The following HIVEP1 variants were observed in gnomAD, a reference collection of about 807,000 sequenced individuals.
The protein encoded by HIVEP1 is HIVEP zinc finger 1, also known as zinc finger protein 40.
Under a neutral mutation model 180.0 loss-of-function variants are expected in HIVEP1, and 36 were observed. The observed-to-expected ratio is 0.20, with a 90% CI of 0.15 to 0.26. The LOEUF is 0.26. Ranked by LOEUF, HIVEP1 falls within the 10% of genes least tolerant of loss-of-function variation. HIVEP1 has a pLI of 1.00. For missense variants in HIVEP1, 3,143 were observed against 3,268.7 expected (o/e 0.96, Z 0.94); for synonymous variants, 1,239 against 1,239.0 (o/e 1.00, Z 0.00).
chr6:12,018,024 GTGCT>G (rs1024446670), intron 2 of HIVEP1, among the ~76,000 whole-genome samples: 3 of 152,230 alleles, frequency 2.0e-5, no homozygotes, highest in African/African-American at 7.2e-5. Context: ...GGCGTGGGGG[GTGCT>G]TAGGCATGGC....
intron 7 of HIVEP1, among the ~76,000 whole-genome samples, chr6:12,151,656 A>G (rs1313470505): frequency 6.6e-6 from 1 of 152,204 alleles, no homozygotes; most frequent in African/African-American, 2.4e-5. Context: ...GTGATGTGGC[A>G]TAGATGTTGG....
chr6:12,009,359 T>C (rs1039351912), upstream of HIVEP1, among the ~76,000 whole-genome samples: 1 of 152,106 alleles, frequency 6.6e-6, no homozygotes, highest in Non-Finnish European at 1.5e-5. Flanking sequence ...TGTTGAGCTT[T>C]TCAGTGACAC....
chr6:12,039,771 G>A (rs1769548307), intron 2 of HIVEP1, among the ~76,000 whole-genome samples: 1 of 152,204 alleles, frequency 6.6e-6, no homozygotes, highest in Non-Finnish European at 1.5e-5. Flanking sequence ...GTGGATATCT[G>A]TGTTTAAAAG....
In HIVEP1 at chr6:12,036,048, A is replaced by G. The variant is rs934656695; in HGVS notation, c.40+20380A>G. ...GGAGACAATTTTTATTTACCCACGC[A>G]TTTGCTATTTTAAAGAAATGGCACC... On this transcript the variant is annotated intron_variant, in intron 2 of 8. Transcript: ENST00000379388. 1.1e-4 allele frequency among the ~76,000 whole-genome samples: 16 copies of G among 152,208 alleles called. 1 individual carries two copies. The highest frequency in any genetic ancestry group is 3.6e-4 in the African/African-American group (15 of 41,450).
chr6:12,129,931 T>A, intron 5 of HIVEP1, 39 bp downstream of exon 5: 1 of 1,365,102 alleles, frequency 7.3e-7, no homozygotes, highest in Non-Finnish European at 1.0e-6. Flanking sequence ...ACATTTAAAC[T>A]GACTTTTTAA....
In HIVEP1 at chr6:12,015,655, C is replaced by A. The variant is rs751113838; in HGVS notation, c.27C>A (p.Pro9=). 6.2e-7 allele frequency: 1 copy of A among 1,613,406 alleles called. No individual in the cohort carries two copies. The highest frequency in any genetic ancestry group is 8.5e-7 in the Non-Finnish European group (1 of 1,179,598). MPRTKQIH[P]RNLRDKIEEA... ...TGCCTCGAACTAAACAAATTCATCC[C>A]AGAAATCTAAGAGGTAAAGCATTGC... Residue 9 remains proline (P), a synonymous_variant, in exon 2 of 9, where the codon CCC becomes CCA. Transcript: ENST00000379388.
At chr6:12,115,872 T>G (rs1775185933) in intron 3 of HIVEP1, among the ~76,000 whole-genome samples, 1 of 151,614 alleles carries the variant, frequency 6.6e-6, no homozygotes, top group Non-Finnish European at 1.5e-5. Context: ...TTGGTGGGGT[T>G]GGTGGGGAGT....
chr6:12,131,606 T>A (rs147030226), intron 6 of HIVEP1, among the ~76,000 whole-genome samples: 1,754 of 151,726 alleles, frequency 0.012, 33 homozygotes, highest in African/African-American at 0.04. Context: ...CCTGTACAAG[T>A]TTCTTGATAC....
upstream of HIVEP1, among the ~76,000 whole-genome samples, chr6:12,011,375 A>G (rs1053779909): frequency 6.8e-6 from 1 of 147,654 alleles, no homozygotes; most frequent in African/African-American, 2.5e-5. Context: ...TGTAGAAAGT[A>G]AAGAGACGGT....
the HIVEP1 span, among the ~76,000 whole-genome samples, chr6:12,177,575 T>G: frequency 9.8e-5 from 15 of 152,312 alleles, no homozygotes; most frequent in Middle Eastern, 6.8e-3. Flanking sequence ...TAGCCTGTAT[T>G]AAGTGTTCAA....
At chr6:12,151,022 G>T (rs372182289) in intron 7 of HIVEP1, among the ~76,000 whole-genome samples, 2 of 152,186 alleles carry the variant, frequency 1.3e-5, no homozygotes, top group East Asian at 1.9e-4. Context: ...CTTCCAGCAG[G>T]TGTCACTGTC....
intron 2 of HIVEP1, among the ~76,000 whole-genome samples, chr6:12,042,777 T>A (rs1452114419): frequency 6.6e-6 from 1 of 152,194 alleles, no homozygotes; most frequent in Non-Finnish European, 1.5e-5. Flanking sequence ...TTCATATATC[T>A]GAAGTTATTT....
Position 12,164,293 on chromosome 6 carries a change from T to G in HIVEP1, c.7989T>G (p.Pro2663=). The stretch of plus-strand genomic sequence containing the variant: ...GCCAACCAGCGTCCACGTCACAACC[T>G]CTGCTGAAGGCACATTCTGAAGTTT... ...IQGQPASTSQ[P]LLKAHSEVFT... is the part of the protein sequence containing the mutation. The change falls in exon 9 of 9, where the codon CCT becomes CCG. Residue 2663 remains proline (P), a synonymous_variant. Coordinates refer to ENST00000379388, the MANE Select transcript of HIVEP1 (RefSeq NM_002114.4). The G allele has an allele frequency of 6.2e-7, 1 of 1,613,972 alleles. No homozygotes were observed. Among genetic ancestry groups the G allele is most frequent in the Non-Finnish European group, 8.5e-7 (1 of 1,180,000 alleles).
chr6:12,106,084 A>G (rs1774416341), intron 3 of HIVEP1, among the ~76,000 whole-genome samples: 1 of 151,794 alleles, frequency 6.6e-6, no homozygotes. Context: ...ACACACACAC[A>G]TATATACATA....
intron 2 of HIVEP1, among the ~76,000 whole-genome samples, chr6:12,080,369 G>A (rs1772698703): frequency 1.3e-5 from 2 of 152,044 alleles, no homozygotes; most frequent in African/African-American, 2.4e-5. Context: ...TTAGTATAAG[G>A]GGGAACTTCT....
At chr6:12,161,393 C>T in intron 7 of HIVEP1, 46 bp from the exon 8 acceptor site, 2 of 1,552,724 alleles carry the variant, frequency 1.3e-6, no homozygotes, top group Non-Finnish European at 1.7e-6. Context: ...AGCACTTGTG[C>T]ACTTGGAAAG....
At chr6:12,010,413 A>T (rs925578941), upstream of HIVEP1, among the ~76,000 whole-genome samples, 1 of 152,164 alleles carries the variant, frequency 6.6e-6, no homozygotes, top group African/African-American at 2.4e-5. Flanking sequence ...TCTTAGCTCA[A>T]ATGAGCCAGA....
intron 2 of HIVEP1, among the ~76,000 whole-genome samples, chr6:12,017,619 CGATTGGTCTGTTTTACAGAGAGCT>C (rs1285005174): frequency 2.0e-5 from 3 of 149,876 alleles, no homozygotes; most frequent in East Asian, 1.9e-4. Flanking sequence ...TACAGAGAGC[CGATTGGTCTGTTTTACAGAGAGCT>C]GATTGGTCCA....
In HIVEP1 at chr6:12,123,462, C is replaced by T. The variant is rs767904615; in HGVS notation, c.3667C>T (p.Pro1223Ser). ...SPSERHVLGQPSRLVRQHNIQ... is the reference protein window; with the variant it reads ...SPSERHVLGQSSRLVRQHNIQ... Reference sequence around the variant, plus strand: ...AAGTGAACGACATGTGTTAGGACAGCCCTCAAGACTTGTCCGGCAGCACAA... The same window carrying T: ...AAGTGAACGACATGTGTTAGGACAGTCCTCAAGACTTGTCCGGCAGCACAA... Residue 1223 changes from proline (P) to serine (S), a missense_variant, in exon 4 of 9, where the codon CCC (proline) becomes TCC (serine). Around this residue, in one of 12 missense-constraint regions of HIVEP1, gnomAD observed 1,357 missense variants for 1,260.5 expected, o/e 1.08. Transcript: ENST00000379388. The T allele has an allele frequency of 3.1e-6, 5 of 1,614,010 alleles. No homozygotes were observed. Among genetic ancestry groups the T allele is most frequent in the East Asian group, 2.2e-5 (1 of 44,896 alleles).
Sources: gnomAD v4.1 joint callset for allele counts (sites outside exome capture counted in the v4.1 genomes callset) on GRCh38, gnomAD v4.1.1 for gene constraint, gnomAD v4.1.1 regional missense constraint, MANE v1.5 for transcripts, NCBI Gene and HGNC (gene_info 2026-07-23, HGNC 2026-07-21) for gene names.